The following KCNIP1 variants were observed in gnomAD, a reference collection of about 807,000 sequenced individuals.
KCNIP1 encodes the protein potassium voltage-gated channel interacting protein 1.
KCNIP1 carries 18 observed loss-of-function variants against 33.0 expected under a neutral mutation model. The observed-to-expected ratio is 0.55, with a 90% confidence interval of 0.38 to 0.81. KCNIP1 has a LOEUF of 0.81. Ranked by LOEUF, KCNIP1 falls within the 30% of genes least tolerant of loss-of-function variation. The pLI is 0.00. For missense variants in KCNIP1, 238 were observed against 271.6 expected (o/e 0.88, Z 0.87); for synonymous variants, 93 against 98.3 (o/e 0.95, Z 0.32).
intron 1 of KCNIP1, chr5:170,483,321 C>G (rs905446892): frequency 7.9e-6 from 2 of 253,816 alleles, no homozygotes; most frequent in South Asian, 4.2e-5. Flanking sequence ...AACTCCTGCA[C>G]TCTCTAGTGA....
intron 1 of KCNIP1, among the ~76,000 whole-genome samples, chr5:170,535,815 T>G (rs1164697637): frequency 6.6e-6 from 1 of 152,202 alleles, no homozygotes; most frequent in African/African-American, 2.4e-5. Flanking sequence ...ATTGCTCATC[T>G]CCAGACCAGA....
At position 170,425,454 on chromosome 5, in the gene KCNIP1, G is replaced by C. The variant is rs369584197; in HGVS notation, c.88+71490G>C. Reference sequence around the variant, plus strand: ...GGCCATGCAGGTGATGGCAGTCATGGGGGGAGGCAGAGAGCTGCTGGAGAA... The same window carrying C: ...GGCCATGCAGGTGATGGCAGTCATGCGGGGAGGCAGAGAGCTGCTGGAGAA... On this transcript the variant is annotated intron_variant, in intron 1 of 7. Transcript: ENST00000377360. Among the ~76,000 whole-genome samples, 283 of 152,234 alleles carry C rather than the reference G, an allele frequency of 1.9e-3. 1 individual carries two copies. Among genetic ancestry groups the C allele is most frequent in the African/African-American group, 6.6e-3 (272 of 41,524 alleles).
chr5:170,381,366 A>G (rs1355683456), intron 1 of KCNIP1, among the ~76,000 whole-genome samples: 1 of 152,238 alleles, frequency 6.6e-6, no homozygotes, highest in African/African-American at 2.4e-5. Flanking sequence ...CACCTGCTCC[A>G]GGCTAAGACT....
intron 1 of KCNIP1, among the ~76,000 whole-genome samples, chr5:170,445,701 T>C (rs1374713495): frequency 6.6e-6 from 1 of 152,112 alleles, no homozygotes; most frequent in Non-Finnish European, 1.5e-5. Context: ...CTTCCCGAAT[T>C]TCATCCGGCA....
intron 1 of KCNIP1, among the ~76,000 whole-genome samples, chr5:170,516,709 G>A (rs551506555): frequency 5.9e-5 from 9 of 152,328 alleles, no homozygotes; most frequent in Non-Finnish European, 1.2e-4. Flanking sequence ...AAATAGAACT[G>A]AAGGCCAGTC....
chr5:170,382,497 G>A (rs1056959287), intron 1 of KCNIP1, among the ~76,000 whole-genome samples: 9 of 151,990 alleles, frequency 5.9e-5, no homozygotes, highest in Non-Finnish European at 8.8e-5. Context: ...CCCATCATGG[G>A]TCATTTTCTG....
intron 1 of KCNIP1, among the ~76,000 whole-genome samples, chr5:170,676,662 G>A (rs1184318132): frequency 6.6e-6 from 1 of 152,150 alleles, no homozygotes; most frequent in African/African-American, 2.4e-5. Context: ...AGCCCCCATG[G>A]CAGCAGCAAG....
chr5:170,665,505 T>G (rs1761670531), intron 1 of KCNIP1, among the ~76,000 whole-genome samples: 1 of 152,200 alleles, frequency 6.6e-6, no homozygotes, highest in African/African-American at 2.4e-5. Context: ...TAAATTATAG[T>G]TAGAGAAAAA....
intron 1 of KCNIP1, among the ~76,000 whole-genome samples, chr5:170,594,593 A>G (rs538810490): frequency 1.3e-5 from 2 of 152,112 alleles, no homozygotes; most frequent in East Asian, 3.9e-4. Context: ...TCACTGCAAC[A>G]TCCGCCTCCC....
At chr5:170,701,947 C>T (rs147278769) in intron 1 of KCNIP1, among the ~76,000 whole-genome samples, 6 of 152,340 alleles carry the variant, frequency 3.9e-5, no homozygotes, top group African/African-American at 7.2e-5. Flanking sequence ...GCTATCACCT[C>T]GCCTTTCCTG....
chr5:170,516,046 G>C (rs1755108167), intron 1 of KCNIP1, among the ~76,000 whole-genome samples: 1 of 152,188 alleles, frequency 6.6e-6, no homozygotes, highest in African/African-American at 2.4e-5. Context: ...TTGTGACTTG[G>C]AGGATGTTAA....
chr5:170,394,490 G>A (rs62392744), intron 1 of KCNIP1, among the ~76,000 whole-genome samples: 17,987 of 152,018 alleles, frequency 0.12, 1,351 homozygotes, highest in Non-Finnish European at 0.17. Flanking sequence ...AAAATCTCTC[G>A]CTTTTTTACA....
intron 1 of KCNIP1, among the ~76,000 whole-genome samples, chr5:170,676,418 A>G (rs1762147889): frequency 6.6e-6 from 1 of 152,184 alleles, no homozygotes; most frequent in South Asian, 2.1e-4. Context: ...TCTGAACCAT[A>G]ACCATCTTGC....
At chr5:170,480,089 T>C (rs1756943847) in intron 1 of KCNIP1, among the ~76,000 whole-genome samples, 1 of 152,320 alleles carries the variant, frequency 6.6e-6, no homozygotes, top group African/African-American at 2.4e-5. Flanking sequence ...TTGAAAAATA[T>C]ATATGCACAC....
At position 170,703,644 on chromosome 5, in the gene KCNIP1, A is replaced by G. The variant is rs112017422; in HGVS notation, c.62-15114A>G. On this transcript the variant is annotated intron_variant, in intron 1 of 7. Transcript: ENST00000328939. ...ATTAATTTAAAAAATAAAAGAAGTGAAACAACAGTACCCTGTGGGCTGCCA... is the reference window on the plus strand; with the variant it reads ...ATTAATTTAAAAAATAAAAGAAGTGGAACAACAGTACCCTGTGGGCTGCCA... 4.6e-3 allele frequency among the ~76,000 whole-genome samples: 628 copies of G among 137,576 alleles called. 118 individuals are homozygous for G. Among genetic ancestry groups the G allele is most frequent in the African/African-American group, 0.015 (572 of 37,628 alleles). 90.3% of individuals were successfully genotyped at this position (137,576 alleles called of 152,430 possible). A position where few individuals can be genotyped will look rare whatever the true frequency, so the allele number is the denominator to read the frequency against.
intron 1 of KCNIP1, among the ~76,000 whole-genome samples, chr5:170,532,447 G>A (rs903420011): frequency 6.6e-6 from 1 of 152,100 alleles, no homozygotes; most frequent in Non-Finnish European, 1.5e-5. Context: ...CAGATCACAG[G>A]CCCATGCTGA....
chr5:170,506,851 TCCCCCAGGTATTTG>T (rs1234590222), intron 1 of KCNIP1, among the ~76,000 whole-genome samples: 4 of 152,136 alleles, frequency 2.6e-5, no homozygotes, highest in African/African-American at 7.2e-5. Flanking sequence ...CTGCATATGT[TCCCCCAGGTATTTG>T]CCCCCGAAGC....
At chr5:170,574,386 A>G (rs561858562) in intron 1 of KCNIP1, among the ~76,000 whole-genome samples, 1 of 152,360 alleles carries the variant, frequency 6.6e-6, no homozygotes, top group East Asian at 1.9e-4. Flanking sequence ...ATTAAGCAAA[A>G]CAAGTCAGAT....
chr5:170,359,959 C>T (rs1294754214), intron 1 of KCNIP1, among the ~76,000 whole-genome samples: 1 of 152,228 alleles, frequency 6.6e-6, no homozygotes, highest in Non-Finnish European at 1.5e-5. Flanking sequence ...CACTGCTGCA[C>T]AGACATCCTA....
Sources: gnomAD v4.1 joint callset for allele counts (sites outside exome capture counted in the v4.1 genomes callset) on GRCh38, gnomAD v4.1.1 for gene constraint, MANE v1.5 for transcripts, NCBI Gene and HGNC (gene_info 2026-07-23, HGNC 2026-07-21) for gene names.